GABRB3: variants seen among roughly 807,000 people sequenced by gnomAD.
The protein encoded by GABRB3 is gamma-aminobutyric acid receptor subunit beta-3.
Under a neutral mutation model 52.1 loss-of-function variants are expected in GABRB3, and 14 were observed. The ratio of observed to expected loss-of-function variants is 0.27; its 90% CI spans 0.18 to 0.42. The LOEUF is 0.42. Ranked by LOEUF, GABRB3 falls within the 10% of genes least tolerant of loss-of-function variation. The pLI is 1.00. For missense variants in GABRB3, 307 were observed against 609.1 expected, an observed-to-expected ratio of 0.50 and a Z score of 5.22; for synonymous variants, 260 against 232.3, an observed-to-expected ratio of 1.12 and a Z score of -1.08.
intron 3 of GABRB3, among the ~76,000 whole-genome samples, chr15:26,688,315 G>A (rs1308168741): frequency 3.9e-5 from 6 of 152,182 alleles, no homozygotes; most frequent in Non-Finnish European, 7.3e-5. Context: ...TTACCAGAGG[G>A]TGCCCACTAC....
intron 4 of GABRB3, among the ~76,000 whole-genome samples, chr15:26,611,364 T>C (rs996176100): frequency 1.3e-5 from 2 of 152,184 alleles, no homozygotes; most frequent in African/African-American, 2.4e-5. Context: ...ATGGTTCTCA[T>C]ATATAAAATG....
At chr15:26,599,593 A>T (rs1891515009) in intron 4 of GABRB3, among the ~76,000 whole-genome samples, 1 of 152,232 alleles carries the variant, frequency 6.6e-6, no homozygotes, top group African/African-American at 2.4e-5. Context: ...ATTCAACCTC[A>T]AAGCAAAGGC....
intron 3 of GABRB3, among the ~76,000 whole-genome samples, chr15:26,746,715 C>CG (rs1890352710): frequency 1.3e-5 from 2 of 151,948 alleles, no homozygotes; most frequent in South Asian, 4.2e-4. Flanking sequence ...TGGCCAGGCA[C>CG]GGTGGCTCAC....
Position 26,546,425 on chromosome 15 carries a change from G to A in GABRB3, c.*1368C>T, listed in dbSNP as rs1399637327. The A allele has an allele frequency of 6.6e-6, 1 of 152,484 alleles. No homozygotes were observed. Among genetic ancestry groups the A allele is most frequent in the Non-Finnish European group, 1.5e-5 (1 of 68,026 alleles). 9.4% of individuals were successfully genotyped at this position (152,484 alleles called of 1,614,324 possible). On this transcript the variant is annotated 3_prime_UTR_variant, in exon 9 of 9. Coordinates refer to ENST00000311550, the MANE Select transcript of GABRB3 (RefSeq NM_000814.6). ...AAGTCCAAATACTGATGAGGCTGTGGATCAGAAGGAACCAACAGTGACTGT... is the reference window on the plus strand; with the variant it reads ...AAGTCCAAATACTGATGAGGCTGTGAATCAGAAGGAACCAACAGTGACTGT...
intron 3 of GABRB3, among the ~76,000 whole-genome samples, chr15:26,763,696 T>C (rs550838756): frequency 1.3e-5 from 2 of 151,778 alleles, no homozygotes; most frequent in Non-Finnish European, 2.9e-5. Flanking sequence ...AAACTAATTA[T>C]TGTAAAGTCT....
intron 4 of GABRB3, among the ~76,000 whole-genome samples, chr15:26,608,383 T>C (rs1891922974): frequency 1.3e-5 from 2 of 152,168 alleles, no homozygotes; most frequent in Non-Finnish European, 1.5e-5. Context: ...GAAAACTACA[T>C]GACATTATGC....
intron 4 of GABRB3, among the ~76,000 whole-genome samples, chr15:26,593,359 T>A (rs1311658071): frequency 6.6e-6 from 1 of 152,192 alleles, no homozygotes; most frequent in Non-Finnish European, 1.5e-5. Flanking sequence ...GATTTTTAAG[T>A]ATATAATTCA....
chr15:26,612,330 A>G (rs1241786859), intron 4 of GABRB3: 1 of 152,250 alleles, frequency 6.6e-6, no homozygotes, highest in East Asian at 1.9e-4. Flanking sequence ...TTGTAAGACT[A>G]AAATAATCAG....
At chr15:26,626,949 C>A (rs8034663) in intron 3 of GABRB3, among the ~76,000 whole-genome samples, 152,193 of 152,334 alleles carry the variant, frequency 1, 76,026 homozygotes, top group East Asian at 1. Flanking sequence ...GAGGCCATGT[C>A]GGACTTTCAT....
chr15:26,713,522 G>T lies in GABRB3; in HGVS notation c.240+58880C>A, dbSNP rs568316132. Among the ~76,000 whole-genome samples the T allele has an allele frequency of 3.2e-4, 49 of 152,086 alleles. 1 individual carries two copies. Among genetic ancestry groups the T allele is most frequent in the Non-Finnish European group, 6.0e-4 (41 of 68,000 alleles). ...AGTAAGGAGAGAGGAAGAGGCTACC[G>T]GGATGATCCAGCCTGGAGGTCTGTA... On this transcript the variant is annotated intron_variant, in intron 3 of 8. Coordinates refer to ENST00000311550, the MANE Select transcript of GABRB3 (RefSeq NM_000814.6).
At chr15:26,731,820 T>A (rs553596735) in intron 3 of GABRB3, among the ~76,000 whole-genome samples, 1 of 152,168 alleles carries the variant, frequency 6.6e-6, no homozygotes, top group South Asian at 2.1e-4. Context: ...TTTAAAAAGA[T>A]AACAAAACAA....
At chr15:26,650,545 G>A (rs1000302022) in intron 3 of GABRB3, among the ~76,000 whole-genome samples, 6 of 152,000 alleles carry the variant, frequency 3.9e-5, no homozygotes, top group African/African-American at 1.4e-4. Flanking sequence ...GATGGGGTGG[G>A]TACCCAGTGA....
intron 3 of GABRB3, among the ~76,000 whole-genome samples, chr15:26,717,473 C>T (rs567960811): frequency 1.1e-3 from 170 of 152,338 alleles, no homozygotes; most frequent in African/African-American, 3.9e-3. Flanking sequence ...CCTAGCACTT[C>T]GATTACTTAC....
chr15:26,773,610 G>C (rs756030301), upstream of GABRB3: 1 of 1,525,196 alleles, frequency 6.6e-7, no homozygotes, highest in South Asian at 1.2e-5. Context: ...GCCTCCCGAC[G>C]GTGCCTGCAG....
At chr15:26,762,320 T>C (rs1890843381) in intron 3 of GABRB3, among the ~76,000 whole-genome samples, 1 of 152,206 alleles carries the variant, frequency 6.6e-6, no homozygotes, top group Admixed American at 6.5e-5. Context: ...TGTAAACCAG[T>C]AGATTATTTG....
intron 4 of GABRB3, among the ~76,000 whole-genome samples, chr15:26,600,241 T>C (rs1340445277): frequency 6.6e-6 from 1 of 151,932 alleles, no homozygotes; most frequent in East Asian, 1.9e-4. Context: ...CTTCTGGGTA[T>C]CATAGAACAT....
In GABRB3 at chr15:26,545,869, T is replaced by C. The variant is rs1389532202; in HGVS notation, c.*1924A>G. 5 of 152,486 alleles carry C rather than the reference T, an allele frequency of 3.3e-5. No individual in the cohort carries two copies. Among genetic ancestry groups the C allele is most frequent in the African/African-American group, 1.2e-4 (5 of 41,394 alleles). 9.4% of individuals were successfully genotyped at this position (152,486 alleles called of 1,614,324 possible). A position where few individuals can be genotyped will look rare whatever the true frequency, so the allele number is the denominator to read the frequency against. ...GATAGGAATGAAAGAGGGAAAAGGGTCTAAAAGTAGGTAATTGCCTCTAGC... is the reference window on the plus strand; with the variant it reads ...GATAGGAATGAAAGAGGGAAAAGGGCCTAAAAGTAGGTAATTGCCTCTAGC... On this transcript the variant is annotated 3_prime_UTR_variant, in exon 9 of 9. Coordinates refer to ENST00000311550, the MANE Select transcript of GABRB3 (RefSeq NM_000814.6).
intron 4 of GABRB3, among the ~76,000 whole-genome samples, chr15:26,589,968 G>A (rs144788931): frequency 1.1e-3 from 160 of 152,190 alleles, no homozygotes; most frequent in Non-Finnish European, 1.5e-3. Flanking sequence ...ACACATTCCC[G>A]CTAACAAGCA....
chr15:26,625,067 C>G, intron 3 of GABRB3: 1 of 528,852 alleles, frequency 1.9e-6, no homozygotes, highest in Non-Finnish European at 2.4e-6. Flanking sequence ...GCTCCTCATC[C>G]ACTCCCTCCA....
Sources: allele counts gnomAD v4.1 joint callset (sites outside exome capture counted in the v4.1 genomes callset), GRCh38; gene constraint gnomAD v4.1.1; transcripts MANE v1.5; gene names NCBI Gene and HGNC (gene_info 2026-07-23, HGNC 2026-07-21).